VEPH1: variants seen among roughly 807,000 people sequenced by gnomAD.
VEPH1 encodes the protein ventricular zone expressed PH domain containing 1.
A neutral mutation model predicts 85.2 loss-of-function variants in VEPH1; 80 were observed. That is an observed-to-expected ratio of 0.94 (90% CI 0.78 to 1.13). The LOEUF (loss-of-function observed/expected upper bound fraction) is 1.13, where lower values mean the gene tolerates loss of function less well. VEPH1 is among the 50% of genes most tolerant of loss of function. The probability of loss-of-function intolerance (pLI) is 0.00; values close to 1 mark genes in which losing one functional copy is unlikely to be tolerated. For missense variants in VEPH1, 955 were observed against 980.5 expected (o/e 0.97, Z 0.35); for synonymous variants, 297 against 348.0 (o/e 0.85, Z 1.63).
chr3:157,470,339 G>T lies in VEPH1; in HGVS notation c.329C>A (p.Ser110Tyr), dbSNP rs1736808002. Residue 110 changes from serine (S) to tyrosine (Y), a missense_variant, in exon 3 of 14, where the codon TCT becomes TAT. By Grantham distance (144) the Ser-to-Tyr change is moderately radical (BLOSUM62 -2). Transcript: ENST00000362010. ...CTGTAAAATGCAACTCATGATATCA[G>T]ATGCGATTTTTGCATGAGGAGTGTC... Reference protein sequence around the residue: ...DEDTPHAKIASDIMSCILQNY... With the variant: ...DEDTPHAKIAYDIMSCILQNY... 2.8e-5 allele frequency: 45 copies of T among 1,614,000 alleles called. No individual in the cohort carries two copies. The highest frequency in any genetic ancestry group is 3.8e-5 in the Non-Finnish European group (45 of 1,180,038).
At chr3:157,379,249 A>C (rs768772175) in intron 7 of VEPH1, among the ~76,000 whole-genome samples, 3 of 152,140 alleles carry the variant, frequency 2.0e-5, no homozygotes, top group Non-Finnish European at 2.9e-5. Flanking sequence ...TGAACAAATT[A>C]TCTTTCCTCA....
At chr3:157,269,225 T>A (rs1714168053) in intron 12 of VEPH1, among the ~76,000 whole-genome samples, 1 of 152,238 alleles carries the variant, frequency 6.6e-6, no homozygotes, top group African/African-American at 2.4e-5. Context: ...GACAAAAGTT[T>A]ACAATGAACA....
intron 6 of VEPH1, among the ~76,000 whole-genome samples, chr3:157,383,128 CA>C (rs771738911): frequency 2.0e-5 from 3 of 152,094 alleles, no homozygotes; most frequent in Admixed American, 1.3e-4. Flanking sequence ...CGTGTCCAGC[CA>C]AAAATCTTTT....
chr3:157,438,898 G>T (rs1389430961), intron 4 of VEPH1, among the ~76,000 whole-genome samples: 1 of 152,166 alleles, frequency 6.6e-6, no homozygotes, highest in East Asian at 1.9e-4. Context: ...AATATAACTT[G>T]CACTTTTCCT....
intron 9 of VEPH1, among the ~76,000 whole-genome samples, chr3:157,353,159 A>G (rs1725054113): frequency 6.6e-6 from 1 of 152,194 alleles, no homozygotes; most frequent in Non-Finnish European, 1.5e-5. Context: ...CTGTTACTGA[A>G]GCCAATTATT....
Position 157,260,852 on chromosome 3 carries a change from C to A in VEPH1, c.*282G>T. 1 of 315,612 alleles carries A rather than the reference C, an allele frequency of 3.2e-6. No homozygotes were observed. Among genetic ancestry groups the A allele is most frequent in the Non-Finnish European group, 5.8e-6 (1 of 172,428 alleles). 19.6% of individuals were successfully genotyped at this position (315,612 alleles called of 1,614,324 possible). The stretch of plus-strand genomic sequence containing the variant: ...GAAGTTCTTTTATCAGTGACTTTTC[C>A]CTTCCTGGCCCCACACTATCTGAGG... On this transcript the variant is annotated 3_prime_UTR_variant, in exon 14 of 14. Coordinates refer to ENST00000362010, the MANE Select transcript of VEPH1 (RefSeq NM_001167912.2).
intron 2 of VEPH1, among the ~76,000 whole-genome samples, chr3:157,471,772 G>T (rs1577738984): frequency 6.6e-6 from 1 of 151,062 alleles, no homozygotes; most frequent in African/African-American, 2.4e-5. Context: ...GGTATTAAGT[G>T]AATATTTGAC....
chr3:157,359,524 C>G (rs1725807846), intron 9 of VEPH1, among the ~76,000 whole-genome samples: 1 of 152,186 alleles, frequency 6.6e-6, no homozygotes, highest in Admixed American at 6.5e-5. Context: ...CCGACCCAAA[C>G]TTAATAAGAC....
intron 12 of VEPH1, among the ~76,000 whole-genome samples, chr3:157,271,915 T>A (rs1265612366): frequency 1.3e-5 from 2 of 152,214 alleles, no homozygotes; most frequent in Non-Finnish European, 2.9e-5. Context: ...ATAAACTCCA[T>A]CAAGTTCAAG....
chr3:157,278,036 G>A (rs7619892), intron 12 of VEPH1, among the ~76,000 whole-genome samples: 33,225 of 152,150 alleles, frequency 0.22, 4,452 homozygotes, highest in Admixed American at 0.41. Flanking sequence ...TTGAGCATCT[G>A]TTGTGTGCTA....
intron 6 of VEPH1, among the ~76,000 whole-genome samples, chr3:157,390,528 T>G (rs1729758418): frequency 6.6e-6 from 1 of 152,214 alleles, no homozygotes; most frequent in Non-Finnish European, 1.5e-5. Context: ...TTTGTTTTGT[T>G]TTGTTTTGTT....
intron 11 of VEPH1, among the ~76,000 whole-genome samples, chr3:157,307,429 T>C (rs1719638379): frequency 6.6e-6 from 1 of 152,018 alleles, no homozygotes; most frequent in South Asian, 2.1e-4. Context: ...TTAATTGATC[T>C]ATATGGTGTC....
At chr3:157,495,102 A>G in intron 2 of VEPH1, 110 bp downstream of exon 2, 1 of 1,089,418 alleles carries the variant, frequency 9.2e-7, no homozygotes, top group African/African-American at 1.6e-5. Flanking sequence ...GACCAATATT[A>G]GTGGTATTTC....
rs188649078 is a variant in VEPH1, at chr3:157,404,738, C to T, written c.906+9143G>A. Among the ~76,000 whole-genome samples the T allele has an allele frequency of 2.1e-3, 316 of 152,226 alleles. 2 individuals carry two copies. Among genetic ancestry groups the T allele is most frequent in the Admixed American group, 0.015 (235 of 15,280 alleles). On this transcript the variant is annotated intron_variant, in intron 6 of 13. Transcript: ENST00000362010. ...TACGCCATGTGTCTTAGCAGAATGG[C>T]TTGTGAAGTTGGGGAAGCCATAGGC...
intron 9 of VEPH1, among the ~76,000 whole-genome samples, chr3:157,345,910 C>T (rs1017344126): frequency 2.0e-5 from 3 of 152,108 alleles, no homozygotes; most frequent in Non-Finnish European, 4.4e-5. Flanking sequence ...AACCATCATT[C>T]TCAGCAACTA....
chr3:157,261,196 T>C lies in VEPH1; in HGVS notation c.2440A>G (p.Ile814Val). ...TTGGCTTGGGCAACTGCCACGTTGATGCACTGGAGCCATTCTTCTGCATTC... is the reference window on the plus strand; with the variant it reads ...TTGGCTTGGGCAACTGCCACGTTGACGCACTGGAGCCATTCTTCTGCATTC... The part of the protein sequence containing the change: ...EKNAEEWLQC[I>V]NVAVAQAKER... Residue 814 changes from isoleucine (I) to valine (V), a missense_variant, in exon 14 of 14, where the codon ATC becomes GTC. Coordinates refer to ENST00000362010, the MANE Select transcript of VEPH1 (RefSeq NM_001167912.2). 1 of 1,613,898 alleles carries C rather than the reference T, an allele frequency of 6.2e-7. No homozygotes were observed. The highest frequency in any genetic ancestry group is 8.5e-7 in the Non-Finnish European group (1 of 1,179,794).
chr3:157,394,572 G>T (rs1419826030), intron 6 of VEPH1, among the ~76,000 whole-genome samples: 3 of 152,164 alleles, frequency 2.0e-5, no homozygotes, highest in Admixed American at 2.0e-4. Context: ...TGTTCATGAA[G>T]CATAGTTCTG....
chr3:157,494,796 G>A (rs1022094240), intron 2 of VEPH1, among the ~76,000 whole-genome samples: 6 of 152,088 alleles, frequency 3.9e-5, no homozygotes, highest in African/African-American at 1.4e-4. Context: ...GTGTCATCCT[G>A]CCTTCTTTCA....
chr3:157,397,722 G>T (rs537341829), intron 6 of VEPH1, among the ~76,000 whole-genome samples: 4 of 152,110 alleles, frequency 2.6e-5, no homozygotes, highest in Admixed American at 6.5e-5. Context: ...CTCTCTGCTT[G>T]TCTATTGTTC....
Sources: gnomAD v4.1 joint callset for allele counts (sites outside exome capture counted in the v4.1 genomes callset) on GRCh38, gnomAD v4.1.1 for gene constraint, MANE v1.5 for transcripts, NCBI Gene and HGNC (gene_info 2026-07-23, HGNC 2026-07-21) for gene names.